Variants in LGSN observed in about 807,000 individuals in gnomAD.
LGSN encodes the protein lengsin, lens protein with glutamine synthetase domain.
Under a neutral mutation model 19.5 loss-of-function variants are expected in LGSN, and 21 were observed. The observed-to-expected ratio is 1.07, with a 90% CI of 0.76 to 1.55. The LOEUF is 1.55. LGSN is among the 40% of genes most tolerant of loss of function. The pLI is 0.00. For synonymous variants in LGSN, 257 were observed against 215.6 expected (o/e 1.19, Z -1.68); for missense variants, 673 against 608.5 (o/e 1.11, Z -1.12).
chr6:63,455,237 G>A, the LGSN span, among the ~76,000 whole-genome samples: 1 of 152,200 alleles, frequency 6.6e-6, no homozygotes, highest in African/African-American at 2.4e-5. Flanking sequence ...CAGAAAGACA[G>A]GAATATGGGA....
chr6:63,444,842 AC>A, the LGSN span, among the ~76,000 whole-genome samples: 1 of 152,198 alleles, frequency 6.6e-6, no homozygotes, highest in Non-Finnish European at 1.5e-5. Context: ...CTCCTGAAGA[AC>A]TAGCATGCCA....
At chr6:63,317,384 A>C (rs1421974671) in intron 1 of LGSN, among the ~76,000 whole-genome samples, 1 of 152,194 alleles carries the variant, frequency 6.6e-6, no homozygotes. Context: ...GCCAAGATTA[A>C]AATGCAGGCA....
At chr6:63,496,311 G>C in the LGSN span, among the ~76,000 whole-genome samples, 81,521 of 152,054 alleles carry the variant, frequency 0.54, 23,672 homozygotes, top group African/African-American at 0.77. Flanking sequence ...GCTAGATTTT[G>C]ACCTTACTGA....
chr6:63,313,532 C>T (rs1015596626), intron 1 of LGSN, among the ~76,000 whole-genome samples: 3 of 152,092 alleles, frequency 2.0e-5, no homozygotes, highest in African/African-American at 7.2e-5. Context: ...AGAAGACTTG[C>T]ATATATTTAA....
At chr6:63,304,449 G>C (rs924847688) in intron 1 of LGSN, among the ~76,000 whole-genome samples, 2 of 152,178 alleles carry the variant, frequency 1.3e-5, no homozygotes, top group Non-Finnish European at 2.9e-5. Flanking sequence ...AATTGCTCTA[G>C]ATTACCTACA....
intron 1 of LGSN, among the ~76,000 whole-genome samples, chr6:63,302,364 CT>C (rs1768215306): frequency 2.0e-5 from 3 of 152,122 alleles, no homozygotes; most frequent in Admixed American, 1.3e-4. Context: ...TTTCTTAAAG[CT>C]CATTACAATC....
the LGSN span, among the ~76,000 whole-genome samples, chr6:63,367,241 C>A: frequency 7.2e-5 from 11 of 152,114 alleles, no homozygotes; most frequent in Admixed American, 6.5e-4. Context: ...AACAAATTTA[C>A]AAGAAAAAAT....
chr6:63,419,437 C>T, the LGSN span, among the ~76,000 whole-genome samples: 1 of 152,170 alleles, frequency 6.6e-6, no homozygotes, highest in Non-Finnish European at 1.5e-5. Flanking sequence ...ACAACCAATA[C>T]ACTGCAAACT....
the LGSN span, among the ~76,000 whole-genome samples, chr6:63,400,792 GA>G: frequency 6.6e-6 from 1 of 152,196 alleles, no homozygotes. Flanking sequence ...TCAGGAGTTT[GA>G]GACCAGCCTG....
the LGSN span, among the ~76,000 whole-genome samples, chr6:63,488,504 A>C: frequency 5.3e-5 from 8 of 152,106 alleles, no homozygotes; most frequent in African/African-American, 1.7e-4. Flanking sequence ...AGCCTTTTTC[A>C]TGAAGGGAAA....
At chr6:63,399,097 G>T in the LGSN span, among the ~76,000 whole-genome samples, 1 of 151,902 alleles carries the variant, frequency 6.6e-6, no homozygotes, top group Admixed American at 6.6e-5. Flanking sequence ...ATGAGTTATC[G>T]CACGTGGCCT....
chr6:63,293,352 C>A (rs1767846634), intron 2 of LGSN, among the ~76,000 whole-genome samples: 1 of 152,104 alleles, frequency 6.6e-6, no homozygotes, highest in Non-Finnish European at 1.5e-5. Context: ...GAGTTTTAAC[C>A]AATACACTCA....
the LGSN span, among the ~76,000 whole-genome samples, chr6:63,477,883 A>G: frequency 2.0e-5 from 3 of 151,614 alleles, no homozygotes; most frequent in African/African-American, 7.2e-5. Flanking sequence ...AATGTTTTCT[A>G]GAATCCAACA....
chr6:63,282,666 T>A (rs2127381951), intron 3 of LGSN, among the ~76,000 whole-genome samples: 1 of 152,330 alleles, frequency 6.6e-6, no homozygotes, highest in Middle Eastern at 3.4e-3. Context: ...CTACACATAT[T>A]TTTGAATGCT....
the LGSN span, among the ~76,000 whole-genome samples, chr6:63,394,673 C>T: frequency 6.6e-6 from 1 of 152,254 alleles, no homozygotes; most frequent in East Asian, 1.9e-4. Context: ...TTTCACTTTA[C>T]TCAATGGATT....
chr6:63,524,264 C>T, the LGSN span, among the ~76,000 whole-genome samples: 4 of 152,080 alleles, frequency 2.6e-5, no homozygotes, highest in African/African-American at 9.7e-5. Flanking sequence ...GGATTACAGA[C>T]GTGAGCCCCC....
intron 1 of LGSN, among the ~76,000 whole-genome samples, chr6:63,297,061 A>T (rs2127388923): frequency 6.6e-6 from 1 of 152,128 alleles, no homozygotes; most frequent in African/African-American, 2.4e-5. Flanking sequence ...CCAAAAACTG[A>T]CCAGGCGCGG....
chr6:63,406,795 A>C, the LGSN span, among the ~76,000 whole-genome samples: 1 of 151,116 alleles, frequency 6.6e-6, no homozygotes, highest in Non-Finnish European at 1.5e-5. Context: ...ACTAATAAAG[A>C]AGAAAAGAGA....
the LGSN span, among the ~76,000 whole-genome samples, chr6:63,469,050 T>C: frequency 6.6e-6 from 1 of 152,198 alleles, no homozygotes; most frequent in Non-Finnish European, 1.5e-5. Context: ...ACCCTTCCTT[T>C]ATTTTTTAAT....
Sources: allele counts gnomAD v4.1 joint callset (sites outside exome capture counted in the v4.1 genomes callset), GRCh38; gene constraint gnomAD v4.1.1; transcripts MANE v1.5; gene names NCBI Gene and HGNC (gene_info 2026-07-23, HGNC 2026-07-21).